The following LHFPL6 variants were observed in gnomAD, a reference collection of about 807,000 sequenced individuals.
LHFPL6 encodes LHFPL tetraspan subfamily member 6, also known as LHFPL tetraspan subfamily member 6 protein.
In LHFPL6, 9 loss-of-function variants were observed where a neutral mutation model predicts 20.6. The ratio of observed to expected loss-of-function variants is 0.44; its 90% confidence interval spans 0.26 to 0.76. LHFPL6 has a LOEUF of 0.76. Among genes scored for constraint, LHFPL6 ranks in the 30% least tolerant of loss-of-function variants. LHFPL6 has a pLI of 0.20. For missense variants in LHFPL6, 218 were observed against 253.5 expected (o/e 0.86, Z 0.95); for synonymous variants, 105 against 98.7 (o/e 1.06, Z -0.38).
chr13:39,457,509 T>C lies in LHFPL6; in HGVS notation c.386-78983A>G, dbSNP rs2138425900. ...CTGGAAAGGATGTGGAGCAAGTAGATCTCTCATACATTGCTGGTAAAAATG... is the reference window on the plus strand; with the variant it reads ...CTGGAAAGGATGTGGAGCAAGTAGACCTCTCATACATTGCTGGTAAAAATG... On this transcript the variant is annotated intron_variant, in intron 2 of 3. Transcript: ENST00000379589. Among the ~76,000 whole-genome samples, 2 of 152,272 alleles carry C rather than the reference T, an allele frequency of 1.3e-5. 1 individual carries two copies. The highest frequency in any genetic ancestry group is 4.2e-4 in the South Asian group (2 of 4,814).
At chr13:39,542,913 T>C (rs188729203) in intron 2 of LHFPL6, among the ~76,000 whole-genome samples, 2 of 152,208 alleles carry the variant, frequency 1.3e-5, no homozygotes, top group Non-Finnish European at 2.9e-5. Context: ...TTTAGTGGCA[T>C]TAAGTATGTC....
At chr13:39,521,466 A>G (rs925098584) in intron 2 of LHFPL6, among the ~76,000 whole-genome samples, 4 of 152,198 alleles carry the variant, frequency 2.6e-5, no homozygotes, top group Non-Finnish European at 4.4e-5. Context: ...TTAGAATTAG[A>G]TTTCCTCTAA....
rs1489488108 is a variant in LHFPL6, at chr13:39,545,108, T to TG, written c.385+55723dup. Among the ~76,000 whole-genome samples the TG allele has an allele frequency of 5.9e-5, 9 of 151,556 alleles. No individual in the cohort carries two copies. In the South Asian group the frequency reaches 1.9e-3, roughly 32 times the overall value. ...AATACAAAAAGAAATTAGCTGGGCG[T>TG]GGGGACGGGCGCCTGTAGTCCCAGC... is the stretch of plus-strand genomic sequence containing the variant. On this transcript the variant is annotated intron_variant, in intron 2 of 3. Transcript: ENST00000379589.
At chr13:39,541,424 A>G (rs1461370663) in intron 2 of LHFPL6, among the ~76,000 whole-genome samples, 1 of 152,160 alleles carries the variant, frequency 6.6e-6, no homozygotes, top group African/African-American at 2.4e-5. Flanking sequence ...GTGCGACATT[A>G]TGTCATTGAT....
chr13:39,472,124 T>C (rs1046136427), intron 2 of LHFPL6, among the ~76,000 whole-genome samples: 2 of 152,208 alleles, frequency 1.3e-5, no homozygotes, highest in Non-Finnish European at 2.9e-5. Flanking sequence ...TTTTTCCATC[T>C]GATCTCCCTG....
intron 2 of LHFPL6, among the ~76,000 whole-genome samples, chr13:39,440,869 A>G (rs1364143010): frequency 2.0e-5 from 3 of 152,158 alleles, no homozygotes; most frequent in Non-Finnish European, 4.4e-5. Flanking sequence ...ATGATAGTGA[A>G]TGAGTCTCAC....
chr13:39,566,731 T>TAA (rs3035077), intron 2 of LHFPL6, among the ~76,000 whole-genome samples: 8,986 of 70,090 alleles, frequency 0.13, 600 homozygotes, highest in Middle Eastern at 0.18. Context: ...AGACCCTGTC[T>TAA]AAAAAAAAAA....
intron 2 of LHFPL6, among the ~76,000 whole-genome samples, chr13:39,494,857 C>T (rs981313779): frequency 2.0e-5 from 3 of 152,184 alleles, no homozygotes; most frequent in African/African-American, 4.8e-5. Flanking sequence ...ATGGGCATTC[C>T]TTTTCAAATT....
At chr13:39,510,958 C>T (rs1216339951) in intron 2 of LHFPL6, among the ~76,000 whole-genome samples, 2 of 151,882 alleles carry the variant, frequency 1.3e-5, no homozygotes, top group Admixed American at 6.6e-5. Flanking sequence ...CTGCAACCTC[C>T]GCCTCCCAGG....
intron 2 of LHFPL6, among the ~76,000 whole-genome samples, chr13:39,391,311 G>A (rs1358125616): frequency 2.6e-5 from 4 of 152,290 alleles, no homozygotes; most frequent in East Asian, 3.9e-4. Context: ...CTACTGCCAC[G>A]TTGTATGGTA....
chr13:39,481,943 A>C (rs981152684), intron 2 of LHFPL6, among the ~76,000 whole-genome samples: 2 of 152,250 alleles, frequency 1.3e-5, no homozygotes, highest in Non-Finnish European at 2.9e-5. Flanking sequence ...GATGACTGCT[A>C]AGAGGGAACA....
chr13:39,422,782 C>T (rs931857183), intron 2 of LHFPL6, among the ~76,000 whole-genome samples: 1 of 151,984 alleles, frequency 6.6e-6, no homozygotes, highest in African/African-American at 2.4e-5. Flanking sequence ...TCTCATGCTG[C>T]TAATAAAGAC....
intron 2 of LHFPL6, among the ~76,000 whole-genome samples, chr13:39,516,344 T>C (rs1869914929): frequency 6.6e-6 from 1 of 152,248 alleles, no homozygotes; most frequent in South Asian, 2.1e-4. Flanking sequence ...CTATGACTTA[T>C]CATTCCACTC....
chr13:39,548,902 T>C (rs899829122), intron 2 of LHFPL6, among the ~76,000 whole-genome samples: 34 of 152,152 alleles, frequency 2.2e-4, no homozygotes, highest in South Asian at 1.9e-3. Flanking sequence ...AAGGTAAATA[T>C]TGATAACTTA....
intron 2 of LHFPL6, among the ~76,000 whole-genome samples, chr13:39,595,483 G>A (rs910547707): frequency 3.9e-5 from 6 of 152,206 alleles, no homozygotes; most frequent in African/African-American, 1.4e-4. Context: ...AGTGGAGCCA[G>A]GGTTTTGTCA....
chr13:39,359,012 A>T (rs1869805211), intron 3 of LHFPL6, among the ~76,000 whole-genome samples: 1 of 152,058 alleles, frequency 6.6e-6, no homozygotes. Context: ...CTCTACTAAA[A>T]ATACAAAATC....
At chr13:39,362,540 A>T (rs1347288126) in intron 3 of LHFPL6, among the ~76,000 whole-genome samples, 1 of 152,244 alleles carries the variant, frequency 6.6e-6, no homozygotes. Context: ...TACTCTTGTA[A>T]GTTTAAGGAG....
intron 2 of LHFPL6, among the ~76,000 whole-genome samples, chr13:39,384,429 T>C (rs1870514051): frequency 1.3e-5 from 2 of 152,356 alleles, no homozygotes; most frequent in African/African-American, 2.4e-5. Context: ...TGAAGTACTA[T>C]TTTGTAAAGT....
At chr13:39,512,552 A>G (rs912560948) in intron 2 of LHFPL6, among the ~76,000 whole-genome samples, 1 of 149,504 alleles carries the variant, frequency 6.7e-6, no homozygotes, top group African/African-American at 2.5e-5. Flanking sequence ...CAGTGAGCCG[A>G]GATTGCGCCA....
Sources: gnomAD v4.1 joint callset for allele counts (sites outside exome capture counted in the v4.1 genomes callset) on GRCh38, gnomAD v4.1.1 for gene constraint, MANE v1.5 for transcripts, NCBI Gene and HGNC (gene_info 2026-07-23, HGNC 2026-07-21) for gene names.